FKBP5: variants seen among roughly 807,000 people sequenced by gnomAD.
The protein encoded by FKBP5 is peptidyl-prolyl cis-trans isomerase FKBP5.
A neutral mutation model predicts 50.5 loss-of-function variants in FKBP5; 23 were observed. The observed-to-expected ratio is 0.46, with a 90% CI of 0.33 to 0.65. The LOEUF is 0.65. Ranked by LOEUF, FKBP5 falls within the 30% of genes least tolerant of loss-of-function variation. The pLI is 0.02. For missense variants in FKBP5, 411 were observed against 553.1 expected, an observed-to-expected ratio of 0.74 and a Z score of 2.58; for synonymous variants, 176 against 190.6, an observed-to-expected ratio of 0.92 and a Z score of 0.63.
intron 5 of FKBP5, among the ~76,000 whole-genome samples, chr6:35,606,368 A>G (rs1763314225): frequency 6.6e-6 from 1 of 152,098 alleles, no homozygotes; most frequent in Non-Finnish European, 1.5e-5. Flanking sequence ...CTATTAATAA[A>G]AAGTCAAGGC....
intron 1 of FKBP5, among the ~76,000 whole-genome samples, chr6:35,649,079 G>C (rs988950690): frequency 2.6e-5 from 4 of 151,974 alleles, no homozygotes; most frequent in African/African-American, 9.7e-5. Context: ...GTGAAACCCT[G>C]TCTCTACTAA....
chr6:35,666,101 C>T (rs1383534930), intron 1 of FKBP5, among the ~76,000 whole-genome samples: 1 of 151,936 alleles, frequency 6.6e-6, no homozygotes, highest in Non-Finnish European at 1.5e-5. Context: ...TATATATTAC[C>T]TAATGTATCA....
At position 35,575,868 on chromosome 6, in the gene FKBP5, T is replaced by C; in HGVS notation, c.1341A>G (p.Ala447=). Residue 447 remains alanine (A), a synonymous_variant, in exon 11 of 11, where the codon GCA becomes GCG. Transcript: ENST00000357266. ...VTNEKGTDSQ[A]MEEEKPEGHV is the part of the protein sequence containing the mutation. Reference sequence around the variant, plus strand: ...GGCCCTCAGGTTTCTCTTCTTCCATTGCTTGACTGTCTGTTCCTTTTTCAT... The same window carrying C: ...GGCCCTCAGGTTTCTCTTCTTCCATCGCTTGACTGTCTGTTCCTTTTTCAT... 6.2e-7 allele frequency: 1 copy of C among 1,614,100 alleles called. No homozygotes were observed. Among genetic ancestry groups the C allele is most frequent in the Non-Finnish European group, 8.5e-7 (1 of 1,179,938 alleles).
At chr6:35,589,119 TA>T (rs1206745099) in intron 7 of FKBP5, among the ~76,000 whole-genome samples, 3 of 128,184 alleles carry the variant, frequency 2.3e-5, no homozygotes, top group African/African-American at 6.2e-5. Context: ...TTTATATATA[TA>T]TATATATATT....
chr6:35,674,019 C>T (rs1225672409), intron 1 of FKBP5, among the ~76,000 whole-genome samples: 1 of 152,156 alleles, frequency 6.6e-6, no homozygotes, highest in Non-Finnish European at 1.5e-5. Context: ...GAGGATGGTT[C>T]CCTTCCTTCT....
At position 35,610,591 on chromosome 6, in the gene FKBP5, A is replaced by AAAT. The variant is rs71002577; in HGVS notation, c.508+8504_508+8505insATT. Among the ~76,000 whole-genome samples, 128 of 148,072 alleles carry AAAT rather than the reference A, an allele frequency of 8.6e-4. 1 individual carries two copies. Among genetic ancestry groups the AAAT allele is most frequent in the Non-Finnish European group, 1.7e-3 (117 of 66,860 alleles). ...TCAAAAAAAAAAAAAAAAAAAAAAA[A>AAAT]GTTTCAAAAAATACATTCATTTTCC... On this transcript the variant is annotated intron_variant, in intron 5 of 10. Transcript: ENST00000357266.
At chr6:35,671,872 AT>A (rs1226325256) in intron 1 of FKBP5, among the ~76,000 whole-genome samples, 172 of 146,326 alleles carry the variant, frequency 1.2e-3, no homozygotes, top group Middle Eastern at 3.6e-3. Context: ...ATTTAGAAGA[AT>A]TTTTTTTTTT....
In FKBP5 at chr6:35,683,632, ATTT is replaced by A. The variant is rs777451189; in HGVS notation, c.-20+5169_-20+5171del. Among the ~76,000 whole-genome samples, 76 of 109,364 alleles carry A rather than the reference ATTT, an allele frequency of 6.9e-4. 4 individuals carry two copies. The Admixed American group carries it at 7.3e-3, about 11-fold the overall frequency. 71.7% of individuals were successfully genotyped at this position (109,364 alleles called of 152,430 possible). On this transcript the variant is annotated intron_variant, in intron 1 of 10. Coordinates refer to ENST00000357266, the MANE Select transcript of FKBP5 (RefSeq NM_004117.4). ...GGGCATGCACTGCCATGACTGGCTA[ATTT>A]TTTTTTTTTTTTTTTTTTTTTTTAG...
chr6:35,630,591 C>T (rs1764126621), intron 3 of FKBP5, among the ~76,000 whole-genome samples: 1 of 152,158 alleles, frequency 6.6e-6, no homozygotes, highest in Non-Finnish European at 1.5e-5. Context: ...TCGATAAATA[C>T]TGCTAACCAG....
chr6:35,676,182 A>G, intron 1 of FKBP5, among the ~76,000 whole-genome samples: 1 of 152,236 alleles, frequency 6.6e-6, no homozygotes, highest in East Asian at 1.9e-4. Context: ...ATATTAATAG[A>G]AGGTGAAAGT....
rs115646474 is a variant in FKBP5, at chr6:35,700,371, C to T, written c.-20+19957G>A. Among the ~76,000 whole-genome samples, 660 of 152,194 alleles carry T rather than the reference C, an allele frequency of 4.3e-3. 3 individuals carry two copies. Among genetic ancestry groups the T allele is most frequent in the African/African-American group, 0.015 (642 of 41,554 alleles). On this transcript the variant is annotated intron_variant, in intron 2 of 11. Coordinates refer to the FKBP5 transcript ENST00000536438. The stretch of plus-strand genomic sequence containing the variant: ...TTCTTAAGGCTTAAGCCAGAAGTGG[C>T]ACAACATCACTACCACTATATTCTA...
At chr6:35,692,790 C>A (rs377094693), upstream of FKBP5, among the ~76,000 whole-genome samples, 3,962 of 104,596 alleles carry the variant, frequency 0.038, no homozygotes, top group Middle Eastern at 0.053. Context: ...GACTCTGTCT[C>A]AAAAAAAAAA....
chr6:35,620,232 T>C lies in FKBP5; in HGVS notation c.293A>G (p.Lys98Arg), dbSNP rs769489554. 2.5e-6 allele frequency: 4 copies of C among 1,614,068 alleles called. No individual in the cohort carries two copies. Among genetic ancestry groups the C allele is most frequent in the Non-Finnish European group, 3.4e-6 (4 of 1,180,028 alleles). Residue 98 changes from lysine (K) to arginine (R), a missense_variant, in exon 4 of 11, where the codon AAG (lysine) becomes AGG (arginine). Coordinates refer to ENST00000357266, the MANE Select transcript of FKBP5 (RefSeq NM_004117.4). ...CAGTAAATGGCATATCTCTCCTTTC[T>C]TCATGGTAGCCACCCCAATGTCCCA... ...KAWDIGVATM[K>R]KGEICHLLCK...
chr6:35,579,618 T>TAATA (rs1353870031), intron 9 of FKBP5, among the ~76,000 whole-genome samples: 1 of 152,212 alleles, frequency 6.6e-6, no homozygotes, highest in East Asian at 1.9e-4. Flanking sequence ...TAAATGATTA[T>TAATA]AATAAAAATT....
intron 8 of FKBP5, chr6:35,583,709 C>T: frequency 1.1e-6 from 1 of 936,012 alleles, no homozygotes; most frequent in African/African-American, 1.8e-5. Context: ...AAGACAGCCC[C>T]ACACAATCAA....
At chr6:35,597,723 G>A (rs1763018553) in intron 5 of FKBP5, among the ~76,000 whole-genome samples, 1 of 152,112 alleles carries the variant, frequency 6.6e-6, no homozygotes, top group South Asian at 2.1e-4. Context: ...ACAAAGTCAA[G>A]AGATGCTGAA....
At chr6:35,601,266 C>T (rs187703975) in intron 5 of FKBP5, among the ~76,000 whole-genome samples, 115 of 152,334 alleles carry the variant, frequency 7.5e-4, no homozygotes, top group African/African-American at 2.2e-3. Context: ...CCAAAACCAT[C>T]GCCTTGTAAT....
chr6:35,720,993 A>C (rs776749536), intron 1 of FKBP5, among the ~76,000 whole-genome samples: 1 of 152,212 alleles, frequency 6.6e-6, no homozygotes, highest in Non-Finnish European at 1.5e-5. Context: ...GTACATGAAA[A>C]AGGCAAGGCT....
intron 8 of FKBP5, chr6:35,584,137 A>C (rs1320111923): frequency 6.1e-6 from 6 of 985,294 alleles, no homozygotes; most frequent in African/African-American, 1.7e-5. Context: ...TGAGGGCAAA[A>C]ATCGTGTCTG....
Sources: gnomAD v4.1 joint callset for allele counts (sites outside exome capture counted in the v4.1 genomes callset) on GRCh38, gnomAD v4.1.1 for gene constraint, MANE v1.5 for transcripts, NCBI Gene and HGNC (gene_info 2026-07-23, HGNC 2026-07-21) for gene names.